The following ETS1 variants were observed in gnomAD, a reference collection of about 807,000 sequenced individuals.
ETS1 encodes ETS proto-oncogene 1, transcription factor, also known as protein C-ets-1.
Under a neutral mutation model 58.6 loss-of-function variants are expected in ETS1, and 15 were observed. The observed-to-expected ratio is 0.26, with a 90% confidence interval of 0.17 to 0.39. The LOEUF is 0.39. Among genes scored for constraint, ETS1 ranks in the 10% least tolerant of loss-of-function variants. The pLI, the probability that ETS1 is intolerant of heterozygous loss-of-function variation, is 1.00. For missense variants in ETS1, 417 were observed against 610.5 expected (o/e 0.68, Z 3.34); for synonymous variants, 214 against 218.2 (o/e 0.98, Z 0.17).
chr11:128,581,902 T>C (rs1742890616), intron 1 of ETS1, among the ~76,000 whole-genome samples: 1 of 152,220 alleles, frequency 6.6e-6, no homozygotes, highest in African/African-American at 2.4e-5. Flanking sequence ...ACTGGATAGT[T>C]GCAATAATGC....
intron 2 of ETS1, among the ~76,000 whole-genome samples, chr11:128,571,633 T>C (rs985291040): frequency 2.7e-4 from 41 of 150,256 alleles, no homozygotes; most frequent in African/African-American, 8.5e-4. Context: ...TGTTAAAAAC[T>C]ATACAGAATC....
At chr11:128,555,405 G>T (rs1254954246) in intron 3 of ETS1, among the ~76,000 whole-genome samples, 1 of 152,098 alleles carries the variant, frequency 6.6e-6, no homozygotes, top group Non-Finnish European at 1.5e-5. Context: ...GCCCTGCCCA[G>T]GTCTTTCCCC....
chr11:128,561,705 T>C (rs1864407642), intron 2 of ETS1, among the ~76,000 whole-genome samples: 2 of 152,234 alleles, frequency 1.3e-5, no homozygotes, highest in South Asian at 4.1e-4. Flanking sequence ...AGATTGCTTA[T>C]GTTTATGCAG....
chr11:128,488,004 C>T (rs1277015492), intron 5 of ETS1, among the ~76,000 whole-genome samples: 1 of 152,146 alleles, frequency 6.6e-6, no homozygotes, highest in Non-Finnish European at 1.5e-5. Flanking sequence ...GCCCAAAACA[C>T]CTAGCAGCTC....
intron 8 of ETS1, among the ~76,000 whole-genome samples, chr11:128,465,515 GA>G (rs1262771821): frequency 2.0e-5 from 3 of 152,166 alleles, no homozygotes; most frequent in African/African-American, 7.2e-5. Flanking sequence ...AATCCACTGA[GA>G]AGCCATCCTA....
intron 1 of ETS1, among the ~76,000 whole-genome samples, chr11:128,573,480 C>T (rs1197629350): frequency 1.3e-5 from 2 of 152,072 alleles, no homozygotes; most frequent in African/African-American, 4.8e-5. Flanking sequence ...TGTGTGTCTC[C>T]CCCACCCACA....
intron 1 of ETS1, among the ~76,000 whole-genome samples, chr11:128,574,185 T>C (rs1220419980): frequency 6.6e-6 from 1 of 152,242 alleles, no homozygotes; most frequent in Non-Finnish European, 1.5e-5. Context: ...TATAAAACTA[T>C]ACTGCCTAAG....
rs75471742 is a variant in ETS1 at position 128,470,691 on chromosome 11, T to C, written c.1124-7064A>G. Among the ~76,000 whole-genome samples the C allele has an allele frequency of 4.6e-3, 697 of 152,098 alleles. 15 individuals are homozygous for C. Among genetic ancestry groups the C allele is most frequent in the African/African-American group, 0.016 (674 of 41,496 alleles). On this transcript the variant is annotated intron_variant, in intron 8 of 9. Coordinates refer to ENST00000392668, the MANE Select transcript of ETS1 (RefSeq NM_001143820.2). Reference sequence around the variant, plus strand: ...GTAAAAAACAAGAAAAAAGATGCATTTAAAAAAAATTGTAAAAGCACTAGA... The same window carrying C: ...GTAAAAAACAAGAAAAAAGATGCATCTAAAAAAAATTGTAAAAGCACTAGA...
intron 8 of ETS1, among the ~76,000 whole-genome samples, chr11:128,475,673 T>A (rs1862303654): frequency 6.7e-6 from 1 of 148,618 alleles, no homozygotes; most frequent in South Asian, 2.2e-4. Context: ...TGCCTCAGCC[T>A]ACCAAGTGGC....
chr11:128,561,353 CAGG>C (rs1203643512), intron 2 of ETS1, among the ~76,000 whole-genome samples: 1 of 152,222 alleles, frequency 6.6e-6, no homozygotes, highest in African/African-American at 2.4e-5. Flanking sequence ...TGACACAGGT[CAGG>C]AGGAGAGCTT....
At chr11:128,548,977 C>A (rs1164141580) in intron 3 of ETS1, among the ~76,000 whole-genome samples, 1 of 143,580 alleles carries the variant, frequency 7.0e-6, no homozygotes, top group African/African-American at 2.6e-5. Context: ...TTTGTGTGCT[C>A]GTGTATTTTG....
intron 8 of ETS1, among the ~76,000 whole-genome samples, chr11:128,474,227 G>A (rs1025548810): frequency 1.3e-5 from 2 of 152,122 alleles, no homozygotes; most frequent in African/African-American, 2.4e-5. Context: ...CAGGGTGCAG[G>A]ATGTATTGTA....
chr11:128,534,310 G>C (rs758195048), intron 3 of ETS1, among the ~76,000 whole-genome samples: 1 of 152,196 alleles, frequency 6.6e-6, no homozygotes, highest in Non-Finnish European at 1.5e-5. Context: ...GTCCCATACA[G>C]ATGAGTAGAT....
chr11:128,490,313 G>T, intron 4 of ETS1, 144 bp downstream of exon 4: 1 of 789,910 alleles, frequency 1.3e-6, no homozygotes, highest in Non-Finnish European at 2.1e-6. Context: ...TGTCATGATT[G>T]TCCTAACAGA....
chr11:128,551,729 G>A (rs1230469686), intron 3 of ETS1, among the ~76,000 whole-genome samples: 1 of 152,120 alleles, frequency 6.6e-6, no homozygotes, highest in Non-Finnish European at 1.5e-5. Flanking sequence ...CAATCAGTGG[G>A]TCACTCTCTG....
At chr11:128,513,151 C>T (rs926945926) in intron 3 of ETS1, among the ~76,000 whole-genome samples, 14 of 152,326 alleles carry the variant, frequency 9.2e-5, no homozygotes, top group African/African-American at 3.4e-4. Flanking sequence ...TAGCCCTTTA[C>T]CAAAGCACCC....
chr11:128,582,492 AACACT>A (rs1261364536), intron 1 of ETS1, among the ~76,000 whole-genome samples: 1 of 152,228 alleles, frequency 6.6e-6, no homozygotes, highest in Admixed American at 6.5e-5. Flanking sequence ...ACTAATTAGT[AACACT>A]ACTGTTTTAT....
chr11:128,585,332 C>CAAGG lies in ETS1; in HGVS notation c.-15+2152_-15+2155dup, dbSNP rs71055286. 2.5e-4 allele frequency among the ~76,000 whole-genome samples: 35 copies of CAAGG among 137,350 alleles called. No homozygotes were observed. The South Asian group carries it at 3.7e-3, about 15-fold the overall frequency. 90.1% of individuals were successfully genotyped at this position (137,350 alleles called of 152,430 possible). On this transcript the variant is annotated intron_variant, in intron 1 of 9. Coordinates refer to ENST00000392668, the MANE Select transcript of ETS1 (RefSeq NM_001143820.2). Reference sequence around the variant, plus strand: ...GGGAGGGAAGAAGGAAGGAAGGAAGCAAGGAAGGAAGGAAGCAAGGAAGGA... The same window carrying CAAGG: ...GGGAGGGAAGAAGGAAGGAAGGAAGCAAGGAAGGAAGGAAGGAAGCAAGGAAGGA...
intron 3 of ETS1, among the ~76,000 whole-genome samples, chr11:128,509,786 G>T (rs1259396405): frequency 1.3e-5 from 2 of 152,102 alleles, no homozygotes; most frequent in Non-Finnish European, 2.9e-5. Context: ...AAAGGTCTAA[G>T]ATCAAATTTA....
Sources: allele counts gnomAD v4.1 joint callset (sites outside exome capture counted in the v4.1 genomes callset), GRCh38; gene constraint gnomAD v4.1.1; transcripts MANE v1.5; gene names NCBI Gene and HGNC (gene_info 2026-07-23, HGNC 2026-07-21).